The following GBF1 variants were observed in gnomAD, a reference collection of about 807,000 sequenced individuals.
GBF1 encodes the protein Golgi-specific brefeldin A-resistance guanine nucleotide exchange factor 1.
Under a neutral mutation model 210.5 loss-of-function variants are expected in GBF1, and 114 were observed. The ratio of observed to expected loss-of-function variants is 0.54; its 90% CI spans 0.47 to 0.63. The LOEUF is 0.63. GBF1 is among the 30% of genes least tolerant of loss of function. The pLI is 0.00. For synonymous variants in GBF1, 850 were observed against 889.2 expected, an observed-to-expected ratio of 0.96 and a Z score of 0.78; for missense variants, 1,851 against 2,357.7, an observed-to-expected ratio of 0.79 and a Z score of 4.45.
chr10:102,294,386 C>CA (rs2076736295), intron 3 of GBF1, among the ~76,000 whole-genome samples: 1 of 140,806 alleles, frequency 7.1e-6, no homozygotes. Context: ...TTTTCTTTTT[C>CA]TTTTTTTTTT....
chr10:102,270,578 T>C (rs2074311746), intron 3 of GBF1, among the ~76,000 whole-genome samples: 1 of 152,234 alleles, frequency 6.6e-6, no homozygotes, highest in Admixed American at 6.5e-5. Flanking sequence ...TATCCGTATA[T>C]GTGTATTATC....
In GBF1 at chr10:102,376,297, A is replaced by T; in HGVS notation, c.3912A>T (p.Pro1304=). The change falls in exon 31 of 40, where the codon CCA becomes CCT. Residue 1304 remains proline, a synonymous_variant. Transcript: ENST00000369983. ...GGGCCCAGTCAGATAGTGAGCTCCC[A>T]TCCTACCATCAGAATGACGTGAGCC... ...DAGAQSDSEL[P]SYHQNDVSLD... 10 of 1,614,010 alleles carry T rather than the reference A, an allele frequency of 6.2e-6. No individual in the cohort carries two copies. The highest frequency in any genetic ancestry group is 8.5e-6 in the Non-Finnish European group (10 of 1,179,958).
At chr10:102,357,372 A>G (rs975984179) in intron 8 of GBF1, among the ~76,000 whole-genome samples, 11 of 151,530 alleles carry the variant, frequency 7.3e-5, no homozygotes, top group African/African-American at 2.7e-4. Context: ...CTGTAATCCC[A>G]TTTACTCAGG....
At chr10:102,298,423 A>T (rs1220677463) in intron 3 of GBF1, among the ~76,000 whole-genome samples, 1 of 152,216 alleles carries the variant, frequency 6.6e-6, no homozygotes, top group Non-Finnish European at 1.5e-5. Context: ...ATATTTGTAG[A>T]TCCAGTCACA....
chr10:102,231,772 G>A, the GBF1 span: 1 of 1,604,732 alleles, frequency 6.2e-7, no homozygotes, highest in Non-Finnish European at 8.5e-7. Context: ...GGGCAGCGAA[G>A]CCGAGGCCTT....
In GBF1 at chr10:102,381,205, C is replaced by T. The variant is rs372369241; in HGVS notation, c.5252C>T (p.Thr1751Ile). The T allele has an allele frequency of 7.4e-6, 12 of 1,613,850 alleles. No homozygotes were observed. The highest frequency in any genetic ancestry group is 1.3e-5 in the African/African-American group (1 of 74,930). ...ACTTCCGCTGCTGGCGACACTAGGA[C>T]ACCTGGCCATCCACCGCCCCCAGAG... ...HLTSAAGDTR[T>I]PGHPPPPEIP... is the part of the protein sequence containing the mutation. Residue 1751 changes from threonine (T) to isoleucine (I), a missense_variant, in exon 39 of 40, where the codon ACA becomes ATA. By Grantham distance (89) the Thr-to-Ile change is moderately conservative. Coordinates refer to ENST00000369983, the MANE Select transcript of GBF1 (RefSeq NM_001377137.1).
intron 3 of GBF1, among the ~76,000 whole-genome samples, chr10:102,288,007 A>G (rs567593380): frequency 7.2e-5 from 11 of 152,130 alleles, no homozygotes; most frequent in African/African-American, 2.7e-4. Flanking sequence ...CCAAACCTTT[A>G]TGTCTCTGAA....
chr10:102,359,109 C>G, intron 10 of GBF1, 158 bp from the exon 11 acceptor site: 1 of 635,344 alleles, frequency 1.6e-6, no homozygotes, highest in Non-Finnish European at 2.8e-6. Flanking sequence ...TCATCATACT[C>G]CTACCTGAGC....
At chr10:102,371,679 A>C (rs1246679069) in intron 29 of GBF1, among the ~76,000 whole-genome samples, 1 of 152,224 alleles carries the variant, frequency 6.6e-6, no homozygotes, top group Non-Finnish European at 1.5e-5. Context: ...CTGTAATCTC[A>C]GCACTGCGGG....
chr10:102,305,175 T>TTGTGTG lies in GBF1; in HGVS notation c.164-38836_164-38831dup, dbSNP rs60026956. 4.2e-3 allele frequency among the ~76,000 whole-genome samples: 585 copies of TTGTGTG among 139,732 alleles called. 3 individuals carry two copies. Among genetic ancestry groups the TTGTGTG allele is most frequent in the African/African-American group, 0.014 (510 of 37,310 alleles). 91.7% of individuals were successfully genotyped at this position (139,732 alleles called of 152,430 possible). A position where few individuals can be genotyped will look rare whatever the true frequency, so the allele number is the denominator to read the frequency against. On this transcript the variant is annotated intron_variant, in intron 3 of 39. Coordinates refer to ENST00000369983, the MANE Select transcript of GBF1 (RefSeq NM_001377137.1). ...GAACCTTCTGAAATTATATGCAGAT[T>TTGTGTG]TGTGTGTGTGTGTGTGTGTGTGTGT...
At chr10:102,294,300 A>T (rs1018371178) in intron 3 of GBF1, among the ~76,000 whole-genome samples, 1 of 151,960 alleles carries the variant, frequency 6.6e-6, no homozygotes, top group Non-Finnish European at 1.5e-5. Flanking sequence ...TCACTCACTG[A>T]CTTATCCAGA....
rs1206001014 is a variant in GBF1 at position 102,363,790 on chromosome 10, A to G, written c.2098A>G (p.Lys700Glu). Residue 700 changes from lysine to glutamate, a missense_variant, in exon 17 of 40, where the codon AAA (lysine) becomes GAA (glutamate). Lys to Glu is a moderately conservative substitution (Grantham distance 56). This residue lies in a region of GBF1 where 804 missense variants were observed against 958.6 expected (regional missense o/e 0.84). Transcript: ENST00000369983. The surrounding 1 kb of genome is among the most constrained non-coding windows in gnomAD (Gnocchi z 4.2). ...ACGGGAACTAATTGAAATTAAAAAC[A>G]AAAAGAAGGTACATACATGTATTCC... Reference protein sequence around the residue: ...DPRELIEIKNKKKLLITGTEQ... With the variant: ...DPRELIEIKNEKKLLITGTEQ... 6.3e-7 allele frequency: 1 copy of G among 1,599,020 alleles called. No individual in the cohort carries two copies. The highest frequency in any genetic ancestry group is 1.7e-5 in the Admixed American group (1 of 59,980).
intron 3 of GBF1, among the ~76,000 whole-genome samples, chr10:102,316,880 G>A (rs975325123): frequency 6.6e-6 from 1 of 152,012 alleles, no homozygotes; most frequent in African/African-American, 2.4e-5. Context: ...AGAGGATGAG[G>A]GATTTGAATG....
At chr10:102,270,647 A>G (rs1004176186) in intron 3 of GBF1, among the ~76,000 whole-genome samples, 13 of 152,210 alleles carry the variant, frequency 8.5e-5, no homozygotes, top group African/African-American at 2.9e-4. Context: ...TCACCCCTAA[A>G]TACTTCAGCA....
At chr10:102,280,966 C>CT (rs926933203) in intron 3 of GBF1, among the ~76,000 whole-genome samples, 4 of 151,926 alleles carry the variant, frequency 2.6e-5, no homozygotes, top group African/African-American at 7.3e-5. Flanking sequence ...TCTTCTTTTT[C>CT]TTTTTTTTCC....
At position 102,369,906 on chromosome 10, in the gene GBF1, T is replaced by C. The variant is rs199604979; in HGVS notation, c.3261T>C (p.Ser1087=). The part of the protein sequence containing the change: ...VLSFVSWLTL[S]GPEQSSVRGP... ...GCTTTGTGAGCTGGCTAACACTGAG[T>C]GGTCCTGAGCAGTCTAGTGTTCGGG... is the stretch of plus-strand genomic sequence containing the variant. The change falls in exon 26 of 40, where the codon AGT becomes AGC. Residue 1087 remains serine, a synonymous_variant. Coordinates refer to ENST00000369983, the MANE Select transcript of GBF1 (RefSeq NM_001377137.1). 6.2e-7 allele frequency: 1 copy of C among 1,613,902 alleles called. No homozygotes were observed. The highest frequency in any genetic ancestry group is 1.3e-5 in the African/African-American group (1 of 74,992).
chr10:102,257,987 T>C (rs2072643900), intron 1 of GBF1, among the ~76,000 whole-genome samples: 1 of 152,132 alleles, frequency 6.6e-6, no homozygotes, highest in African/African-American at 2.4e-5. Context: ...TTGAAGAATT[T>C]GACATGCTTC....
intron 3 of GBF1, among the ~76,000 whole-genome samples, chr10:102,261,112 T>C (rs2073150991): frequency 6.6e-6 from 1 of 152,216 alleles, no homozygotes; most frequent in Non-Finnish European, 1.5e-5. Context: ...GAGGTCACAC[T>C]AATCCTAAGA....
upstream of GBF1, among the ~76,000 whole-genome samples, chr10:102,242,315 G>C (rs551517579): frequency 2.0e-5 from 3 of 152,338 alleles, no homozygotes; most frequent in Admixed American, 6.5e-5. Context: ...AAACAATTAA[G>C]AGGAGGTTCC....
Sources: gnomAD v4.1 joint callset for allele counts (sites outside exome capture counted in the v4.1 genomes callset) on GRCh38, gnomAD v4.1.1 for gene constraint, gnomAD v4.1.1 regional missense constraint, Gnocchi (gnomAD v3.1) non-coding constraint, MANE v1.5 for transcripts, NCBI Gene and HGNC (gene_info 2026-07-23, HGNC 2026-07-21) for gene names.